The following SNTG1 variants were observed in gnomAD, a reference collection of about 807,000 sequenced individuals.
The protein encoded by SNTG1 is gamma-1-syntrophin.
Under a neutral mutation model 74.7 loss-of-function variants are expected in SNTG1, and 39 were observed. That is an observed-to-expected ratio of 0.52 (90% confidence interval 0.40 to 0.68). The LOEUF (loss-of-function observed/expected upper bound fraction) is 0.68. Ranked by LOEUF, SNTG1 falls within the 30% of genes least tolerant of loss-of-function variation. The pLI is 0.00. For missense variants in SNTG1, 685 were observed against 609.5 expected, an observed-to-expected ratio of 1.12 and a Z score of -1.30; for synonymous variants, 254 against 217.1, an observed-to-expected ratio of 1.17 and a Z score of -1.49.
At chr8:50,080,301 T>C (rs1048021975) in intron 1 of SNTG1, among the ~76,000 whole-genome samples, 1 of 152,180 alleles carries the variant, frequency 6.6e-6, no homozygotes, top group Non-Finnish European at 1.5e-5. Context: ...ATGGATACAG[T>C]TTTAGAGTAT....
chr8:50,130,738 A>G (rs28438566), intron 1 of SNTG1, among the ~76,000 whole-genome samples: 4,036 of 152,144 alleles, frequency 0.027, 203 homozygotes, highest in African/African-American at 0.09. Context: ...TCTGAGAATC[A>G]AAAATTAATA....
chr8:50,021,414 A>G (rs1014369021), intron 1 of SNTG1, among the ~76,000 whole-genome samples: 5 of 152,146 alleles, frequency 3.3e-5, no homozygotes, highest in African/African-American at 1.2e-4. Flanking sequence ...CTAATACCAT[A>G]TATATGGTCA....
At chr8:50,591,853 G>T (rs868742581) in intron 13 of SNTG1, among the ~76,000 whole-genome samples, 1 of 152,172 alleles carries the variant, frequency 6.6e-6, no homozygotes, top group African/African-American at 2.4e-5. Context: ...TCTGCCCTGA[G>T]CCAAGTTGAT....
intron 2 of SNTG1, among the ~76,000 whole-genome samples, chr8:50,176,908 C>T (rs539861995): frequency 6.6e-6 from 1 of 152,266 alleles, no homozygotes; most frequent in South Asian, 2.1e-4. Flanking sequence ...TGCTTTCCCT[C>T]ATGGGCAGAT....
chr8:50,720,275 T>C (rs533019055), intron 17 of SNTG1, among the ~76,000 whole-genome samples: 14 of 152,342 alleles, frequency 9.2e-5, no homozygotes, highest in Admixed American at 8.5e-4. Flanking sequence ...TTTAGCCTTT[T>C]AATAACTTTC....
intron 13 of SNTG1, among the ~76,000 whole-genome samples, chr8:50,595,836 C>T (rs1438752366): frequency 2.0e-5 from 3 of 151,860 alleles, no homozygotes; most frequent in African/African-American, 7.2e-5. Context: ...AGTATTTTAT[C>T]GGTGGCTCTA....
chr8:50,619,438 A>G (rs749282895), intron 13 of SNTG1, among the ~76,000 whole-genome samples: 2 of 152,126 alleles, frequency 1.3e-5, no homozygotes, highest in Non-Finnish European at 2.9e-5. Flanking sequence ...TATAAGCTAC[A>G]TGGCTCACAG....
At chr8:49,983,479 T>G (rs1245505167) in intron 1 of SNTG1, among the ~76,000 whole-genome samples, 2 of 152,224 alleles carry the variant, frequency 1.3e-5, no homozygotes, top group Non-Finnish European at 2.9e-5. Context: ...TCCTTTTGTT[T>G]TTTGGATTTC....
chr8:49,976,493 G>A (rs1812205285), intron 1 of SNTG1, among the ~76,000 whole-genome samples: 1 of 152,150 alleles, frequency 6.6e-6, no homozygotes, highest in Non-Finnish European at 1.5e-5. Flanking sequence ...TGGGAGGATA[G>A]GAGGAACAGG....
chr8:50,481,228 A>C (rs2093737491), intron 8 of SNTG1, among the ~76,000 whole-genome samples: 1 of 152,160 alleles, frequency 6.6e-6, no homozygotes, highest in Non-Finnish European at 1.5e-5. Context: ...TAAAAATACA[A>C]AAATTAGCCG....
At chr8:49,930,878 TTTG>T (rs1313253794) in intron 1 of SNTG1, among the ~76,000 whole-genome samples, 1 of 152,142 alleles carries the variant, frequency 6.6e-6, no homozygotes, top group Non-Finnish European at 1.5e-5. Context: ...AAAAATAAAC[TTTG>T]TTTAGATACC....
intron 1 of SNTG1, among the ~76,000 whole-genome samples, chr8:50,145,117 G>T (rs1389329813): frequency 6.6e-6 from 1 of 152,176 alleles, no homozygotes; most frequent in Non-Finnish European, 1.5e-5. Context: ...CAACCATAGG[G>T]AGGATGCCAG....
At chr8:50,372,707 T>C (rs1194503598) in intron 2 of SNTG1, among the ~76,000 whole-genome samples, 2 of 151,744 alleles carry the variant, frequency 1.3e-5, no homozygotes, top group African/African-American at 4.8e-5. Flanking sequence ...GGATGACAAA[T>C]AGGAAGAAAA....
intron 2 of SNTG1, among the ~76,000 whole-genome samples, chr8:50,322,376 C>T (rs2090565894): frequency 6.6e-6 from 1 of 152,216 alleles, no homozygotes; most frequent in South Asian, 2.1e-4. Context: ...ATCTAAAAGG[C>T]TTCCACTGGG....
intron 15 of SNTG1, 113 bp from the exon 16 acceptor site, chr8:50,704,487 G>A (rs929752775): frequency 1.8e-5 from 23 of 1,285,908 alleles, no homozygotes; most frequent in Non-Finnish European, 2.2e-5. Flanking sequence ...TGGTGAATTC[G>A]CAGAGTGTTG....
At chr8:50,065,562 TA>T (rs1179648980) in intron 1 of SNTG1, among the ~76,000 whole-genome samples, 1 of 152,204 alleles carries the variant, frequency 6.6e-6, no homozygotes, top group Non-Finnish European at 1.5e-5. Flanking sequence ...ATTTTGCTTT[TA>T]TTGCATCTTA....
chr8:49,976,134 G>A (rs1220981883), intron 1 of SNTG1, among the ~76,000 whole-genome samples: 1 of 152,068 alleles, frequency 6.6e-6, no homozygotes, highest in Non-Finnish European at 1.5e-5. Flanking sequence ...TTCATCCAGA[G>A]GTACCTTGCA....
intron 9 of SNTG1, among the ~76,000 whole-genome samples, chr8:50,514,543 C>A (rs2094115193): frequency 1.3e-5 from 2 of 152,138 alleles, no homozygotes; most frequent in African/African-American, 4.8e-5. Context: ...TTTTTCAGTT[C>A]TCTCTCTGCT....
chr8:50,298,213 G>A (rs1225546656), intron 2 of SNTG1, among the ~76,000 whole-genome samples: 4 of 152,098 alleles, frequency 2.6e-5, no homozygotes, highest in African/African-American at 7.2e-5. Flanking sequence ...CAAATATCAG[G>A]AAGAGTAGAG....
Sources: allele counts gnomAD v4.1 joint callset (sites outside exome capture counted in the v4.1 genomes callset), GRCh38; gene constraint gnomAD v4.1.1; transcripts MANE v1.5; gene names NCBI Gene and HGNC (gene_info 2026-07-23, HGNC 2026-07-21).